TRPC5: variants seen among roughly 807,000 people sequenced by gnomAD.
TRPC5 encodes the protein short transient receptor potential channel 5.
TRPC5 carries 9 observed loss-of-function variants against 56.5 expected under a neutral mutation model. That is an observed-to-expected ratio of 0.16 (90% CI 0.10 to 0.28). The LOEUF (loss-of-function observed/expected upper bound fraction) is 0.28. TRPC5 is among the 10% of genes least tolerant of loss of function. The pLI is 1.00. For missense variants in TRPC5, 469 were observed against 748.9 expected, an observed-to-expected ratio of 0.63 and a Z score of 4.36; for synonymous variants, 282 against 278.5, an observed-to-expected ratio of 1.01 and a Z score of -0.13.
intron 7 of TRPC5, among the ~76,000 whole-genome samples, chrX:111,791,832 T>A (rs1946023630): frequency 8.9e-6 from 1 of 112,346 alleles, no homozygotes; most frequent in South Asian, 3.7e-4. Context: ...TAAAGCACTG[T>A]CCTTGGAATG....
At chrX:111,868,895 T>C (rs944339581) in intron 3 of TRPC5, among the ~76,000 whole-genome samples, 10 of 111,805 alleles carry the variant, frequency 8.9e-5, no homozygotes, top group African/African-American at 3.3e-4. Context: ...GTGTTAGATT[T>C]CAGTTCTTCA....
chrX:111,967,108 ACTGATAAGCAACTTCAGCAAAGT>A (rs1270390438), intron 1 of TRPC5, among the ~76,000 whole-genome samples: 1 of 111,755 alleles, frequency 8.9e-6, no homozygotes, highest in African/African-American at 3.3e-5. Flanking sequence ...ATCTCCTTAC[ACTGATAAGCAACTTCAGCAAAGT>A]CTCAGGATAC....
chrX:111,969,156 C>A (rs1927709667), intron 1 of TRPC5, among the ~76,000 whole-genome samples: 3 of 111,059 alleles, frequency 2.7e-5, no homozygotes, highest in Non-Finnish European at 5.7e-5. Flanking sequence ...GCAGGACCCT[C>A]CACCAGCAAA....
At chrX:111,939,009 A>G (rs1333762664) in intron 2 of TRPC5, among the ~76,000 whole-genome samples, 2 of 111,942 alleles carry the variant, frequency 1.8e-5, no homozygotes, top group African/African-American at 6.5e-5. Context: ...AAAGGAAAGG[A>G]TCATTCAGTA....
At chrX:111,786,708 G>T (rs1226673768) in intron 7 of TRPC5, among the ~76,000 whole-genome samples, 1 of 110,608 alleles carries the variant, frequency 9.0e-6, no homozygotes, top group East Asian at 2.8e-4. Flanking sequence ...CAAAATAAAG[G>T]GATGGAGGAA....
At chrX:111,949,096 C>T (rs746657718) in intron 2 of TRPC5, among the ~76,000 whole-genome samples, 6 of 111,687 alleles carry the variant, frequency 5.4e-5, no homozygotes, top group Non-Finnish European at 9.4e-5. Flanking sequence ...GGAAGGACAC[C>T]CTTTTCAACA....
At chrX:111,914,449 A>T (rs776550979) in intron 2 of TRPC5, among the ~76,000 whole-genome samples, 26 of 112,151 alleles carry the variant, frequency 2.3e-4, no homozygotes, top group Non-Finnish European at 4.3e-4. Flanking sequence ...CTGTTTTTCA[A>T]CATCATTGCC....
At chrX:111,914,361 C>A (rs1297527213) in intron 2 of TRPC5, among the ~76,000 whole-genome samples, 1 of 111,407 alleles carries the variant, frequency 9.0e-6, no homozygotes, top group African/African-American at 3.3e-5. Context: ...TCAATAGGTT[C>A]TTTTTACTCT....
Position 111,776,112 on chromosome X carries a change from TA to T in TRPC5, c.*200del. 1 of 394,575 alleles carries T rather than the reference TA, an allele frequency of 2.5e-6. No homozygotes were observed. Among genetic ancestry groups the T allele is most frequent in the Non-Finnish European group, 4.2e-6 (1 of 236,234 alleles). 32.5% of individuals were successfully genotyped at this position (394,575 alleles called of 1,213,427 possible). On this transcript the variant is annotated 3_prime_UTR_variant, in exon 11 of 11. Transcript: ENST00000262839. ...AGATGGACTTAGTGTGTATAGGTAT[TA>T]AAAAGGCAAATAATAATGAAAGTAA...
intron 1 of TRPC5, among the ~76,000 whole-genome samples, chrX:112,000,207 A>G (rs762544527): frequency 9.0e-6 from 1 of 111,594 alleles, no homozygotes; most frequent in African/African-American, 3.3e-5. Context: ...TATTGCAGTC[A>G]ATCAGCAACC....
chrX:111,930,792 T>C (rs778832849), intron 2 of TRPC5: 1 of 110,879 alleles, frequency 9.0e-6, no homozygotes, highest in African/African-American at 3.3e-5. Context: ...TTGGAGACGG[T>C]AGCCCAGATC....
intron 3 of TRPC5, among the ~76,000 whole-genome samples, chrX:111,884,939 T>C (rs1924404051): frequency 1.8e-5 from 2 of 112,110 alleles, no homozygotes; most frequent in Admixed American, 1.9e-4. Flanking sequence ...TAGCCAGAGT[T>C]TGAGCCTACT....
intron 1 of TRPC5, among the ~76,000 whole-genome samples, chrX:111,959,258 AG>A (rs1927313467): frequency 8.9e-6 from 1 of 112,494 alleles, no homozygotes; most frequent in Non-Finnish European, 1.9e-5. Context: ...GATATAAAAA[AG>A]TTGTGACAAT....
chrX:111,885,983 A>T (rs2148603129), intron 3 of TRPC5, among the ~76,000 whole-genome samples: 1 of 112,244 alleles, frequency 8.9e-6, no homozygotes, highest in South Asian at 3.7e-4. Context: ...CCCCTTAAAA[A>T]TAATGTTTTT....
chrX:112,057,984 C>A (rs1313303765), intron 1 of TRPC5, among the ~76,000 whole-genome samples: 1 of 111,198 alleles, frequency 9.0e-6, no homozygotes, highest in African/African-American at 3.3e-5. Flanking sequence ...TGGAGAGAGA[C>A]CACCACCTAT....
intron 3 of TRPC5, among the ~76,000 whole-genome samples, chrX:111,910,934 C>T (rs144764249): frequency 0.013 from 1,432 of 112,689 alleles, 13 homozygotes; most frequent in African/African-American, 0.044. Context: ...GAGGTGAGCA[C>T]AACACCAGGC....
intron 1 of TRPC5, among the ~76,000 whole-genome samples, chrX:112,017,821 C>T (rs773716880): frequency 8.9e-6 from 1 of 112,125 alleles, no homozygotes; most frequent in South Asian, 3.7e-4. Flanking sequence ...ACCGTTTTAC[C>T]TGCCATTCAT....
chrX:111,990,883 G>A (rs1430495218), intron 1 of TRPC5, among the ~76,000 whole-genome samples: 9 of 111,979 alleles, frequency 8.0e-5, no homozygotes, highest in Non-Finnish European at 1.1e-4. Flanking sequence ...GAAATTCCTC[G>A]TGCGACTTAC....
chrX:111,878,948 C>T (rs1347008716), intron 3 of TRPC5, among the ~76,000 whole-genome samples: 1 of 111,819 alleles, frequency 8.9e-6, no homozygotes, highest in Non-Finnish European at 1.9e-5. Context: ...TGAATGGCTC[C>T]ATACTTGCAC....
Sources: allele counts gnomAD v4.1 joint callset (sites outside exome capture counted in the v4.1 genomes callset), GRCh38; gene constraint gnomAD v4.1.1; transcripts MANE v1.5; gene names NCBI Gene and HGNC (gene_info 2026-07-23, HGNC 2026-07-21).